DYNC1I1: variants seen among roughly 807,000 people sequenced by gnomAD.
DYNC1I1 encodes dynein cytoplasmic 1 intermediate chain 1.
A neutral mutation model predicts 86.6 loss-of-function variants in DYNC1I1; 43 were observed. The ratio of observed to expected loss-of-function variants is 0.50; its 90% CI spans 0.39 to 0.64. The LOEUF (loss-of-function observed/expected upper bound fraction) is 0.64. Ranked by LOEUF, DYNC1I1 falls within the 30% of genes least tolerant of loss-of-function variation. DYNC1I1 has a pLI of 0.00. For synonymous variants in DYNC1I1, 262 were observed against 283.7 expected (o/e 0.92, Z 0.77); for missense variants, 604 against 788.8 (o/e 0.77, Z 2.81).
At chr7:95,820,170 A>G (rs1795043083) in intron 4 of DYNC1I1, among the ~76,000 whole-genome samples, 1 of 152,200 alleles carries the variant, frequency 6.6e-6, no homozygotes, top group African/African-American at 2.4e-5. Context: ...AGAGCCTGAT[A>G]TAAGTATGTA....
At position 95,934,941 on chromosome 7, in the gene DYNC1I1, T is replaced by G. The variant is rs185295176; in HGVS notation, c.491-42571T>G. Reference sequence around the variant, plus strand: ...CTTCGTTTTTTTTTGTTTTTGTTTTTGTTTTTTGTTTTGTGTGTGTGTGTG... The same window carrying G: ...CTTCGTTTTTTTTTGTTTTTGTTTTGGTTTTTTGTTTTGTGTGTGTGTGTG... On this transcript the variant is annotated intron_variant, in intron 6 of 16. Coordinates refer to ENST00000447467, the MANE Select transcript of DYNC1I1 (RefSeq NM_001135556.2). Among the ~76,000 whole-genome samples, 761 of 151,938 alleles carry G rather than the reference T, an allele frequency of 5.0e-3. 6 individuals are homozygous for G. Among genetic ancestry groups the G allele is most frequent in the African/African-American group, 0.018 (727 of 41,436 alleles).
intron 6 of DYNC1I1, among the ~76,000 whole-genome samples, chr7:95,877,121 C>G (rs572518805): frequency 6.6e-6 from 1 of 152,120 alleles, no homozygotes; most frequent in Non-Finnish European, 1.5e-5. Context: ...CCTGCCAGCT[C>G]CCACTTGGAG....
At chr7:95,884,681 C>T (rs1418022825) in intron 6 of DYNC1I1, among the ~76,000 whole-genome samples, 1 of 151,912 alleles carries the variant, frequency 6.6e-6, no homozygotes, top group Non-Finnish European at 1.5e-5. Context: ...CACCTGTAAT[C>T]CTAGCTCTCA....
chr7:95,882,380 A>G (rs987059414), intron 6 of DYNC1I1, among the ~76,000 whole-genome samples: 4 of 152,080 alleles, frequency 2.6e-5, no homozygotes, highest in African/African-American at 9.7e-5. Flanking sequence ...GGAGGTGTCT[A>G]TTTTCTCCAG....
chr7:95,910,057 G>T (rs1791289591), intron 6 of DYNC1I1, among the ~76,000 whole-genome samples: 1 of 152,144 alleles, frequency 6.6e-6, no homozygotes, highest in African/African-American at 2.4e-5. Flanking sequence ...TCTTTTCCTT[G>T]CATTGTCCCC....
At chr7:95,957,910 G>A (rs1792761528) in intron 6 of DYNC1I1, among the ~76,000 whole-genome samples, 1 of 152,150 alleles carries the variant, frequency 6.6e-6, no homozygotes, top group Non-Finnish European at 1.5e-5. Flanking sequence ...AGAAAGTATA[G>A]GCTGGGTGTT....
At chr7:96,011,018 T>C (rs1239537267) in intron 10 of DYNC1I1, among the ~76,000 whole-genome samples, 2 of 152,216 alleles carry the variant, frequency 1.3e-5, no homozygotes, top group African/African-American at 2.4e-5. Flanking sequence ...TGAATTCTTA[T>C]TGCCTTCCTG....
In DYNC1I1 at chr7:96,007,459, A is replaced by G. The variant is rs910081167; in HGVS notation, c.969+11386A>G. Among the ~76,000 whole-genome samples, 5 of 152,204 alleles carry G rather than the reference A, an allele frequency of 3.3e-5. No individual in the cohort carries two copies. The South Asian group carries it at 1.0e-3, about 32-fold the overall frequency. On this transcript the variant is annotated intron_variant, in intron 10 of 16. Coordinates refer to ENST00000447467, the MANE Select transcript of DYNC1I1 (RefSeq NM_001135556.2). ...GGAGGACAGAAATGGAAAAGTAAATAATATAGTTCCTGTTTTATATTCTAC... is the reference window on the plus strand; with the variant it reads ...GGAGGACAGAAATGGAAAAGTAAATGATATAGTTCCTGTTTTATATTCTAC...
intron 6 of DYNC1I1, among the ~76,000 whole-genome samples, chr7:95,882,830 C>T (rs1401811670): frequency 6.6e-6 from 1 of 152,098 alleles, no homozygotes; most frequent in Non-Finnish European, 1.5e-5. Context: ...TTAGGTAATC[C>T]TTGGCTTGGC....
chr7:95,970,142 G>A (rs1793128201), intron 6 of DYNC1I1, among the ~76,000 whole-genome samples: 1 of 152,080 alleles, frequency 6.6e-6, no homozygotes, highest in Non-Finnish European at 1.5e-5. Flanking sequence ...AGGGTGGCTT[G>A]AGTGAGTTAT....
chr7:96,079,019 G>A (rs571083556), intron 15 of DYNC1I1, among the ~76,000 whole-genome samples: 2 of 150,618 alleles, frequency 1.3e-5, no homozygotes, highest in African/African-American at 4.9e-5. Flanking sequence ...GACTTTTGGG[G>A]TTTTTTTTTG....
chr7:95,935,262 A>G (rs1268792849), intron 6 of DYNC1I1, among the ~76,000 whole-genome samples: 1 of 152,068 alleles, frequency 6.6e-6, no homozygotes, highest in Non-Finnish European at 1.5e-5. Context: ...TTCACTTAGC[A>G]TAAGATCCCC....
At chr7:96,106,125 A>G (rs1791209986) in intron 16 of DYNC1I1, among the ~76,000 whole-genome samples, 1 of 152,066 alleles carries the variant, frequency 6.6e-6, no homozygotes, top group African/African-American at 2.4e-5. Flanking sequence ...TTGTTTATTC[A>G]CTTTTTCTTC....
At chr7:95,922,265 C>T (rs752848730) in intron 6 of DYNC1I1, among the ~76,000 whole-genome samples, 1 of 151,742 alleles carries the variant, frequency 6.6e-6, no homozygotes, top group Admixed American at 6.6e-5. Context: ...AAACATGCTG[C>T]GGTATATTTG....
chr7:96,025,843 G>A (rs569943951), intron 10 of DYNC1I1, among the ~76,000 whole-genome samples: 3 of 151,666 alleles, frequency 2.0e-5, no homozygotes, highest in South Asian at 2.1e-4. Flanking sequence ...AAGCTTGCGG[G>A]GGGGGGATAT....
At chr7:96,025,226 A>C (rs1048151704) in intron 10 of DYNC1I1, among the ~76,000 whole-genome samples, 2 of 152,330 alleles carry the variant, frequency 1.3e-5, no homozygotes, top group Non-Finnish European at 2.9e-5. Context: ...TAGCATTTTT[A>C]CATGAATGAT....
chr7:96,049,725 CT>C (rs1436019967), intron 14 of DYNC1I1, among the ~76,000 whole-genome samples: 1 of 152,038 alleles, frequency 6.6e-6, no homozygotes, highest in Non-Finnish European at 1.5e-5. Flanking sequence ...CAATATAATA[CT>C]TTGTTGATAA....
At chr7:96,004,284 A>G (rs1562969157) in intron 10 of DYNC1I1, among the ~76,000 whole-genome samples, 2 of 152,166 alleles carry the variant, frequency 1.3e-5, no homozygotes, top group African/African-American at 4.8e-5. Context: ...TGAAAGATTT[A>G]TCTTCGTTAA....
At chr7:96,081,059 C>T (rs1443250409) in intron 16 of DYNC1I1, among the ~76,000 whole-genome samples, 1 of 62,406 alleles carries the variant, frequency 1.6e-5, no homozygotes, top group African/African-American at 1.0e-4. Context: ...GGCAGAGAGA[C>T]TCCATCTCAA....
Sources: gnomAD v4.1 joint callset for allele counts (sites outside exome capture counted in the v4.1 genomes callset) on GRCh38, gnomAD v4.1.1 for gene constraint, MANE v1.5 for transcripts, NCBI Gene and HGNC (gene_info 2026-07-23, HGNC 2026-07-21) for gene names.